SLC25A12: variants seen among roughly 807,000 people sequenced by gnomAD.
SLC25A12 encodes solute carrier family 25 member 12.
In SLC25A12, 32 loss-of-function variants were observed where a neutral mutation model predicts 83.3. That is an observed-to-expected ratio of 0.38 (90% CI 0.29 to 0.52). The LOEUF (loss-of-function observed/expected upper bound fraction) is 0.52. Ranked by LOEUF, SLC25A12 falls within the 20% of genes least tolerant of loss-of-function variation. The probability of loss-of-function intolerance (pLI) is 0.84; values close to 1 mark genes in which losing one functional copy is unlikely to be tolerated. For missense variants in SLC25A12, 611 were observed against 835.6 expected, an observed-to-expected ratio of 0.73 and a Z score of 3.31; for synonymous variants, 267 against 291.1, an observed-to-expected ratio of 0.92 and a Z score of 0.84.
chr2:171,834,678 A>C (rs751160439), intron 7 of SLC25A12, 49 bp downstream of exon 7: 3 of 1,595,830 alleles, frequency 1.9e-6, no homozygotes, highest in Non-Finnish European at 2.6e-6. Context: ...CTCAGTGAAG[A>C]AAAGTGAAAA....
At chr2:171,792,845 A>G (rs141319627) in intron 14 of SLC25A12, among the ~76,000 whole-genome samples, 2 of 152,284 alleles carry the variant, frequency 1.3e-5, no homozygotes, top group African/African-American at 4.8e-5. Flanking sequence ...GAGAATTTCT[A>G]ATTTCTAATT....
intron 9 of SLC25A12, among the ~76,000 whole-genome samples, chr2:171,821,091 G>A (rs993456566): frequency 8.0e-6 from 1 of 124,846 alleles, no homozygotes; most frequent in African/African-American, 3.0e-5. Context: ...GTGCAGTGGC[G>A]CATTCCTGGC....
chr2:171,857,182 A>G (rs1049740458), intron 3 of SLC25A12, among the ~76,000 whole-genome samples: 24 of 151,882 alleles, frequency 1.6e-4, no homozygotes, highest in African/African-American at 5.1e-4. Context: ...CCTGGGCAAC[A>G]TAGGGAGACT....
chr2:171,809,477 T>C (rs1238375829), intron 13 of SLC25A12, 129 bp downstream of exon 13: 5 of 791,056 alleles, frequency 6.3e-6, no homozygotes, highest in Admixed American at 1.9e-5. Context: ...TTATTCCATA[T>C]GATTATTGAG....
Position 171,844,466 on chromosome 2 carries a change from T to A in SLC25A12, c.368A>T (p.His123Leu). The A allele has an allele frequency of 1.9e-6, 3 of 1,608,374 alleles. No homozygotes were observed. Among genetic ancestry groups the A allele is most frequent in the Non-Finnish European group, 2.6e-6 (3 of 1,174,838 alleles). ...TTCACAATCCCAGTTAAAAGGGATA[T>A]GATGATGAATAATAGTCTGTCCAAA... ...EIFGQTIIHH[H>L]IPFNWDCEFI... The change falls in exon 5 of 18, where the codon CAT (histidine) becomes CTT (leucine). Residue 123 changes from histidine to leucine, a missense_variant. By Grantham distance (99) the His-to-Leu change is moderately conservative. Transcript: ENST00000422440.
rs1298530698 is a variant in SLC25A12, at chr2:171,813,474, G to A, written c.1036C>T (p.Pro346Ser). The A allele has an allele frequency of 6.2e-7, 1 of 1,613,870 alleles. No individual in the cohort carries two copies. The highest frequency in any genetic ancestry group is 1.3e-5 in the African/African-American group (1 of 74,876). ...AGAVGATAVY[P>S]IDLVKTRMQN... ...ATTCGGGTCTTCACCAGATCTATAG[G>A]ATACACTGCAGTGGCTCCCACAGCT... The change falls in exon 11 of 18, where the codon CCT (proline) becomes TCT (serine). Residue 346 changes from proline (P) to serine (S), a missense_variant. Physicochemically the swap from Pro to Ser is moderately conservative, Grantham distance 74 (BLOSUM62 -1). Transcript: ENST00000422440.
chr2:171,867,487 G>A (rs1685358915), intron 3 of SLC25A12, among the ~76,000 whole-genome samples: 1 of 149,894 alleles, frequency 6.7e-6, no homozygotes, highest in South Asian at 2.1e-4. Flanking sequence ...ACGAAAACCA[G>A]TCAGGTGTGG....
chr2:171,812,195 T>C (rs968494996), intron 11 of SLC25A12, among the ~76,000 whole-genome samples: 3 of 152,206 alleles, frequency 2.0e-5, no homozygotes, highest in Non-Finnish European at 4.4e-5. Context: ...TATTATTCTA[T>C]ATATAATGCT....
At chr2:171,819,268 A>G (rs1368188121) in intron 9 of SLC25A12, among the ~76,000 whole-genome samples, 1 of 127,630 alleles carries the variant, frequency 7.8e-6, no homozygotes, top group Non-Finnish European at 1.6e-5. Context: ...TGTATACATT[A>G]TATATTTACA....
chr2:171,866,600 C>A (rs1685317517), intron 3 of SLC25A12, among the ~76,000 whole-genome samples: 1 of 142,888 alleles, frequency 7.0e-6, no homozygotes, highest in East Asian at 2.2e-4. Flanking sequence ...GACCCCCCCA[C>A]CTCCCTCCCG....
chr2:171,872,513 T>C (rs1685476709), intron 2 of SLC25A12, among the ~76,000 whole-genome samples: 1 of 151,988 alleles, frequency 6.6e-6, no homozygotes, highest in Non-Finnish European at 1.5e-5. Context: ...GAAAGAAGGA[T>C]GGATACAAGG....
At chr2:171,887,311 T>C (rs760964353) in intron 2 of SLC25A12, among the ~76,000 whole-genome samples, 1 of 152,216 alleles carries the variant, frequency 6.6e-6, no homozygotes, top group Non-Finnish European at 1.5e-5. Context: ...GGATACGATC[T>C]TCATTGTTAC....
chr2:171,836,981 CACAA>C (rs1684572590), intron 6 of SLC25A12, 136 bp downstream of exon 6: 1 of 739,372 alleles, frequency 1.4e-6, no homozygotes, highest in East Asian at 2.8e-5. Flanking sequence ...CACACACACA[CACAA>C]ACCTGTTTAC....
Position 171,785,168 on chromosome 2 carries a change from T to G in SLC25A12, c.*106A>C, listed in dbSNP as rs1690463697. ...TGTCATACAGAAAGAAGAGTTTGAC[T>G]CCTCAGCTCAGTCAGTACCATGCAG... On this transcript the variant is annotated 3_prime_UTR_variant, in exon 18 of 18. Transcript: ENST00000422440. 2 of 992,494 alleles carry G rather than the reference T, an allele frequency of 2.0e-6. No individual in the cohort carries two copies. The allele number at this position is 992,494 out of a possible 1,614,324, so 61.5% of individuals were successfully genotyped here.
chr2:171,831,898 CA>C (rs34431704), intron 8 of SLC25A12, among the ~76,000 whole-genome samples: 18 of 145,056 alleles, frequency 1.2e-4, no homozygotes, highest in East Asian at 4.1e-4. Flanking sequence ...GACTCTGTCT[CA>C]AAAAAAAAAA....
Position 171,847,788 on chromosome 2 carries a change from G to A in SLC25A12, c.326-3280C>T, listed in dbSNP as rs1022656945. 7.9e-5 allele frequency among the ~76,000 whole-genome samples: 12 copies of A among 152,254 alleles called. 1 individual carries two copies. In the South Asian group the frequency reaches 8.3e-4, roughly 11 times the overall value. ...CTTTTTCACTTCCTGCAGAGCATGG[G>A]CTTATGAAAGGGATGGTTTATACTT... On this transcript the variant is annotated intron_variant, in intron 4 of 17. Coordinates refer to ENST00000422440, the MANE Select transcript of SLC25A12 (RefSeq NM_003705.5).
At chr2:171,874,377 A>C (rs969495645) in intron 2 of SLC25A12, among the ~76,000 whole-genome samples, 5 of 152,208 alleles carry the variant, frequency 3.3e-5, no homozygotes, top group African/African-American at 1.2e-4. Context: ...GGGTGACAAG[A>C]GCAGAACTCC....
chr2:171,799,396 TGAGAGGTGGAA>T (rs1683663880), intron 13 of SLC25A12, among the ~76,000 whole-genome samples: 1 of 152,208 alleles, frequency 6.6e-6, no homozygotes, highest in Non-Finnish European at 1.5e-5. Flanking sequence ...TTCCTGGGGA[TGAGAGGTGGAA>T]GAGCTGTTTC....
chr2:171,854,614 C>T (rs142135648), intron 4 of SLC25A12, among the ~76,000 whole-genome samples: 151 of 152,056 alleles, frequency 9.9e-4, no homozygotes, highest in Middle Eastern at 3.4e-3. Flanking sequence ...TTTGGAAAGT[C>T]TTCTCATACA....
Sources: gnomAD v4.1 joint callset for allele counts (sites outside exome capture counted in the v4.1 genomes callset) on GRCh38, gnomAD v4.1.1 for gene constraint, MANE v1.5 for transcripts, NCBI Gene and HGNC (gene_info 2026-07-23, HGNC 2026-07-21) for gene names.